Variants in TRPM1 observed in about 807,000 individuals in gnomAD.
TRPM1 encodes transient receptor potential cation channel subfamily M member 1.
Under a neutral mutation model 149.4 loss-of-function variants are expected in TRPM1, and 113 were observed. The ratio of observed to expected loss-of-function variants is 0.76; its 90% confidence interval spans 0.65 to 0.88. TRPM1 has a LOEUF of 0.88. Among genes scored for constraint, TRPM1 ranks in the 40% least tolerant of loss-of-function variants. The pLI is 0.00. For synonymous variants in TRPM1, 741 were observed against 759.5 expected (o/e 0.98, Z 0.40); for missense variants, 1,976 against 2,038.7 (o/e 0.97, Z 0.59).
rs765063121 is a variant in TRPM1 at position 31,041,996 on chromosome 15, C to T, written c.2042G>A (p.Ser681Asn). ...YKAMAHESSESDLVDDISQDL... is the reference protein window; with the variant it reads ...YKAMAHESSENDLVDDISQDL... ...CTGGGAGATGTCATCCACCAGATCA[C>T]TCTCGGAGGACTCGTGGGCCATGGC... The change falls in exon 17 of 28, where the codon AGT becomes AAT. Residue 681 changes from serine to asparagine, a missense_variant. Transcript: ENST00000256552. 1 of 1,614,246 alleles carries T rather than the reference C, an allele frequency of 6.2e-7. No individual in the cohort carries two copies. The highest frequency in any genetic ancestry group is 8.5e-7 in the Non-Finnish European group (1 of 1,180,040).
intron 14 of TRPM1, 100 bp downstream of exon 14, chr15:31,047,789 G>T: frequency 1.0e-6 from 1 of 957,006 alleles, no homozygotes; most frequent in Non-Finnish European, 1.7e-6. Context: ...TATCTCCTGT[G>T]CCTGGAATAA....
At chr15:31,041,918 C>A in intron 17 of TRPM1, 33 bp downstream of exon 17, 2 of 1,613,248 alleles carry the variant, frequency 1.2e-6, no homozygotes, top group Non-Finnish European at 1.7e-6. Context: ...ATGGTCATCT[C>A]TCCTGGCCTT....
chr15:31,036,124 C>T (rs2033355618), intron 20 of TRPM1, among the ~76,000 whole-genome samples: 1 of 152,162 alleles, frequency 6.6e-6, no homozygotes, highest in South Asian at 2.1e-4. Flanking sequence ...GAGTTGCCCA[C>T]CCAGATATGC....
At chr15:31,015,778 T>A (rs895397044) in intron 27 of TRPM1, among the ~76,000 whole-genome samples, 16 of 152,188 alleles carry the variant, frequency 1.1e-4, no homozygotes, top group Admixed American at 9.2e-4. Context: ...AACTCTTTCC[T>A]TCCATCCATG....
At chr15:31,138,112 G>A (rs2036113422) in intron 1 of TRPM1, among the ~76,000 whole-genome samples, 1 of 152,174 alleles carries the variant, frequency 6.6e-6, no homozygotes. Context: ...TTCTTGAAGA[G>A]CCTCAGCTCC....
intron 1 of TRPM1, among the ~76,000 whole-genome samples, chr15:31,127,669 C>T (rs1029044855): frequency 1.3e-5 from 2 of 152,124 alleles, no homozygotes; most frequent in African/African-American, 4.8e-5. Context: ...CAGTTCCATA[C>T]TTGGGTGGGA....
At chr15:31,130,906 G>A (rs781318426) in intron 1 of TRPM1, among the ~76,000 whole-genome samples, 1 of 152,160 alleles carries the variant, frequency 6.6e-6, no homozygotes. Flanking sequence ...CCAGCTCTGC[G>A]TGAATTAAAC....
rs766396216 is a variant in TRPM1 at position 31,032,792 on chromosome 15, C to T, written c.2849G>A (p.Arg950Gln). ...GATGATATCCACACAGTAGATCACC[C>T]GGCCATAGCCCATGTAGGGCTGGTT... is the stretch of plus-strand genomic sequence containing the variant. ...LQNQPYMGYG[R>Q]VIYCVDIIFW... The change falls in exon 22 of 28, where the codon CGG becomes CAG. Residue 950 changes from arginine to glutamine, a missense_variant. By Grantham distance (43) the Arg-to-Gln change is conservative. Coordinates refer to ENST00000256552, the MANE Select transcript of TRPM1 (RefSeq NM_001252024.2). 57 of 1,614,046 alleles carry T rather than the reference C, an allele frequency of 3.5e-5. No individual in the cohort carries two copies. The highest frequency in any genetic ancestry group is 8.0e-5 in the African/African-American group (6 of 74,910).
Position 31,117,300 on chromosome 15 carries a change from A to T in TRPM1, c.55-40316T>A, listed in dbSNP as rs1038473079. The stretch of plus-strand genomic sequence containing the variant: ...CAGGAGTTCGAGACCAGCCTGGCCA[A>T]CATGGCGAAACCACATCTCTACTAA... On this transcript the variant is annotated intron_variant, in intron 1 of 26. Coordinates refer to the TRPM1 transcript ENST00000542188. Among the ~76,000 whole-genome samples, 11 of 152,202 alleles carry T rather than the reference A, an allele frequency of 7.2e-5. No individual in the cohort carries two copies. In the East Asian group the frequency reaches 9.6e-4, roughly 13 times the overall value.
chr15:31,122,667 A>G (rs1043605495), intron 1 of TRPM1, among the ~76,000 whole-genome samples: 1 of 152,222 alleles, frequency 6.6e-6, no homozygotes, highest in African/African-American at 2.4e-5. Context: ...CTGTGATGAA[A>G]TAAATCAAAT....
chr15:31,073,825 G>A (rs1184613451), intron 3 of TRPM1, among the ~76,000 whole-genome samples: 4 of 152,000 alleles, frequency 2.6e-5, no homozygotes, highest in African/African-American at 9.7e-5. Context: ...TAAGTCTGAT[G>A]TTAACTGTGG....
At chr15:31,129,240 G>A (rs566316410) in intron 1 of TRPM1, among the ~76,000 whole-genome samples, 2 of 152,366 alleles carry the variant, frequency 1.3e-5, no homozygotes, top group Admixed American at 6.5e-5. Context: ...GGCAGGACTA[G>A]ACATGGCAGG....
rs74473908 is a variant in TRPM1, at chr15:31,005,768, A to G, written c.3630-2698T>C. Reference sequence around the variant, plus strand: ...ACATCTGAAATGATTAACATAAAGGACAAATAAATGAGGATCTATCTCCTT... The same window carrying G: ...ACATCTGAAATGATTAACATAAAGGGCAAATAAATGAGGATCTATCTCCTT... On this transcript the variant is annotated intron_variant, in intron 27 of 27. Coordinates refer to ENST00000256552, the MANE Select transcript of TRPM1 (RefSeq NM_001252024.2). Among the ~76,000 whole-genome samples, 793 of 152,362 alleles carry G rather than the reference A, an allele frequency of 5.2e-3. 9 individuals are homozygous for G. Among genetic ancestry groups the G allele is most frequent in the African/African-American group, 0.018 (756 of 41,590 alleles).
At chr15:31,066,736 C>A (rs1170822881) in intron 6 of TRPM1, among the ~76,000 whole-genome samples, 1 of 152,134 alleles carries the variant, frequency 6.6e-6, no homozygotes, top group Non-Finnish European at 1.5e-5. Flanking sequence ...TTTACAGAAC[C>A]TTCTTGAAAT....
At chr15:31,153,475 C>A (rs901794992) in intron 1 of TRPM1, among the ~76,000 whole-genome samples, 1 of 152,180 alleles carries the variant, frequency 6.6e-6, no homozygotes, top group Non-Finnish European at 1.5e-5. Flanking sequence ...CAGGAACCTG[C>A]CACCATGCCT....
intron 1 of TRPM1, among the ~76,000 whole-genome samples, chr15:31,131,084 G>T (rs903058858): frequency 6.6e-6 from 1 of 152,170 alleles, no homozygotes; most frequent in Non-Finnish European, 1.5e-5. Flanking sequence ...GGGTCAAATA[G>T]AAAACTCCAG....
intron 1 of TRPM1, among the ~76,000 whole-genome samples, chr15:31,086,339 C>T (rs1206572085): frequency 6.6e-6 from 1 of 152,244 alleles, no homozygotes; most frequent in Non-Finnish European, 1.5e-5. Context: ...CCTGGAGCAC[C>T]TGCTGGTATC....
At chr15:31,119,311 G>C (rs1004446332) in intron 1 of TRPM1, among the ~76,000 whole-genome samples, 7 of 152,000 alleles carry the variant, frequency 4.6e-5, no homozygotes, top group African/African-American at 1.7e-4. Context: ...ACCTATATCA[G>C]CATTCTTGTC....
In TRPM1 at chr15:31,050,435, G is replaced by T. The variant is rs779325838; in HGVS notation, c.1411C>A (p.Pro471Thr). The T allele has an allele frequency of 6.2e-7, 1 of 1,613,922 alleles. No homozygotes were observed. The highest frequency in any genetic ancestry group is 1.7e-5 in the Admixed American group (1 of 60,008). ...CAGTTCAGCAGCTCTATCTTCCGGG[G>T]GTCAGTTTCTTCCTCCACTTCCTCT... ...VKEEVEEETD[P>T]RKIELLNWVN... The change falls in exon 12 of 28, where the codon CCC becomes ACC. Residue 471 changes from proline to threonine, a missense_variant. Physicochemically the swap from Pro to Thr is conservative, Grantham distance 38 (BLOSUM62 -1). Coordinates refer to ENST00000256552, the MANE Select transcript of TRPM1 (RefSeq NM_001252024.2).
Sources: gnomAD v4.1 joint callset for allele counts (sites outside exome capture counted in the v4.1 genomes callset) on GRCh38, gnomAD v4.1.1 for gene constraint, MANE v1.5 for transcripts, NCBI Gene and HGNC (gene_info 2026-07-23, HGNC 2026-07-21) for gene names.